The following PIWIL2 variants were observed in gnomAD, a reference collection of about 807,000 sequenced individuals.
PIWIL2 encodes the protein piwi like RNA-mediated gene silencing 2.
In PIWIL2, 81 loss-of-function variants were observed where a neutral mutation model predicts 116.5. The ratio of observed to expected loss-of-function variants is 0.70; its 90% confidence interval spans 0.58 to 0.84. PIWIL2 has a LOEUF of 0.84. PIWIL2 is among the 40% of genes least tolerant of loss of function. The probability of loss-of-function intolerance (pLI) is 0.00; values close to 1 mark genes in which losing one functional copy is unlikely to be tolerated. For synonymous variants in PIWIL2, 489 were observed against 429.5 expected (o/e 1.14, Z -1.71); for missense variants, 1,272 against 1,212.3 (o/e 1.05, Z -0.73).
chr8:22,328,822 T>C (rs1436464023), intron 20 of PIWIL2, among the ~76,000 whole-genome samples: 2 of 150,640 alleles, frequency 1.3e-5, no homozygotes, highest in Non-Finnish European at 1.5e-5. Flanking sequence ...CTAGTCGTTT[T>C]TTTTTTTTTT....
At chr8:22,288,759 G>T in intron 8 of PIWIL2, 93 bp downstream of exon 8, 1 of 1,140,884 alleles carries the variant, frequency 8.8e-7, no homozygotes, top group East Asian at 2.4e-5. Flanking sequence ...ATACGTGACA[G>T]TATATTCTAG....
intron 7 of PIWIL2, 22 bp from the exon 8 acceptor site, chr8:22,288,520 C>T (rs1478066385): frequency 2.5e-6 from 4 of 1,602,486 alleles, no homozygotes; most frequent in African/African-American, 1.3e-5. Flanking sequence ...TTTTGTTTCA[C>T]CTGTGTGTAT....
In PIWIL2 at chr8:22,349,940, G is replaced by A. The variant is rs1212949245; in HGVS notation, c.2404-3019G>A. Among the ~76,000 whole-genome samples, 14 of 152,052 alleles carry A rather than the reference G, an allele frequency of 9.2e-5. No individual in the cohort carries two copies. The East Asian group carries it at 1.4e-3, about 15-fold the overall frequency. On this transcript the variant is annotated intron_variant, in intron 20 of 22. Transcript: ENST00000356766. ...GCAGTCTGTTGGTGTGGCTCGAGTC[G>A]TCTACACATCCTTTGGTTAGTGAAG...
intron 14 of PIWIL2, among the ~76,000 whole-genome samples, chr8:22,309,187 C>G (rs2132039799): frequency 6.6e-6 from 1 of 151,772 alleles, no homozygotes; most frequent in South Asian, 2.1e-4. Flanking sequence ...GTCTTGAACT[C>G]CTGACCTCGT....
intron 22 of PIWIL2, among the ~76,000 whole-genome samples, chr8:22,354,798 G>A (rs59283125): frequency 0.41 from 62,477 of 152,074 alleles, 15,375 homozygotes; most frequent in East Asian, 0.81. Context: ...GGCTGGGTGC[G>A]GTGGCTCACG....
intron 10 of PIWIL2, among the ~76,000 whole-genome samples, chr8:22,293,358 A>G (rs2132007125): frequency 6.6e-6 from 1 of 151,946 alleles, no homozygotes; most frequent in Non-Finnish European, 1.5e-5. Flanking sequence ...GTCTTTTTTG[A>G]GATGGAGTTT....
At chr8:22,324,881 C>A (rs915402958) in intron 20 of PIWIL2, among the ~76,000 whole-genome samples, 2 of 152,120 alleles carry the variant, frequency 1.3e-5, no homozygotes, top group African/African-American at 4.8e-5. Flanking sequence ...CAAGAGACAC[C>A]TGAGAATCCC....
At chr8:22,297,408 A>C (rs1036938465) in intron 10 of PIWIL2, among the ~76,000 whole-genome samples, 3 of 152,156 alleles carry the variant, frequency 2.0e-5, no homozygotes, top group African/African-American at 4.8e-5. Context: ...GGTGTGAGCT[A>C]TTGCACCTGG....
chr8:22,355,230 C>T (rs1300433065), intron 22 of PIWIL2, 119 bp from the exon 23 acceptor site: 4 of 872,220 alleles, frequency 4.6e-6, no homozygotes, highest in African/African-American at 3.3e-5. Context: ...TATTCCTCTG[C>T]TCCCCAGTTT....
intron 15 of PIWIL2, 40 bp downstream of exon 15, chr8:22,310,114 C>A: frequency 9.4e-7 from 1 of 1,067,208 alleles, no homozygotes; most frequent in Non-Finnish European, 1.4e-6. Flanking sequence ...GACCAGTATT[C>A]CCCAAAGTGT....
chr8:22,332,897 A>G (rs953759492), intron 20 of PIWIL2, among the ~76,000 whole-genome samples: 1 of 152,166 alleles, frequency 6.6e-6, no homozygotes, highest in Non-Finnish European at 1.5e-5. Flanking sequence ...GGTTAAAGGA[A>G]TAAGTAACAA....
At chr8:22,334,392 G>C (rs1281365196) in intron 20 of PIWIL2, among the ~76,000 whole-genome samples, 1 of 151,598 alleles carries the variant, frequency 6.6e-6, no homozygotes, top group East Asian at 2.0e-4. Context: ...CATCATGGCG[G>C]GCGCCTATAG....
At chr8:22,354,491 T>C in intron 22 of PIWIL2, 113 bp downstream of exon 22, 1 of 588,426 alleles carries the variant, frequency 1.7e-6, no homozygotes, top group Admixed American at 2.8e-5. Context: ...TTTCTTCATA[T>C]CTTTGACAAT....
rs1409281070 is a variant in PIWIL2 at position 22,355,932 on chromosome 8, G to C, written c.*427G>C. The C allele has an allele frequency of 1.7e-5, 3 of 175,874 alleles. No individual in the cohort carries two copies. The highest frequency in any genetic ancestry group is 2.5e-5 in the Non-Finnish European group (2 of 80,804). The allele number at this position is 175,874 out of a possible 1,614,324, so 10.9% of individuals were successfully genotyped here. On this transcript the variant is annotated 3_prime_UTR_variant, in exon 23 of 23. Transcript: ENST00000356766. Reference sequence around the variant, plus strand: ...ACTAAAATACAAAAAAATTAGCCGGGTGTGGCGGTGCACGCCTGTAGTCCC... The same window carrying C: ...ACTAAAATACAAAAAAATTAGCCGGCTGTGGCGGTGCACGCCTGTAGTCCC...
Position 22,308,016 on chromosome 8 carries a change from G to C in PIWIL2, c.1629G>C (p.Glu543Asp). The change falls in exon 14 of 23, where the codon GAG becomes GAC. Residue 543 changes from glutamate to aspartate, a missense_variant. By Grantham distance (45) the Glu-to-Asp change is conservative (BLOSUM62 2). Transcript: ENST00000356766. ...TGCTGCAAAGAATTGCAAAGAACGAGGCAGCCACCAATGAACTGATGCGTT... is the reference window on the plus strand; with the variant it reads ...TGCTGCAAAGAATTGCAAAGAACGACGCAGCCACCAATGAACTGATGCGTT... ...ECLLQRIAKN[E>D]AATNELMRWG... The C allele has an allele frequency of 6.2e-7, 1 of 1,613,924 alleles. No individual in the cohort carries two copies. The highest frequency in any genetic ancestry group is 8.5e-7 in the Non-Finnish European group (1 of 1,179,948).
At chr8:22,306,755 A>G (rs1001573711) in intron 13 of PIWIL2, among the ~76,000 whole-genome samples, 5 of 152,136 alleles carry the variant, frequency 3.3e-5, no homozygotes, top group African/African-American at 1.2e-4. Context: ...TTTCATGTTT[A>G]CCTTCCAGTT....
chr8:22,338,259 AACG>A (rs1431916915), intron 20 of PIWIL2, among the ~76,000 whole-genome samples: 1 of 152,210 alleles, frequency 6.6e-6, no homozygotes, highest in Admixed American at 6.5e-5. Context: ...AACCAACAAC[AACG>A]ACAACACAAA....
chr8:22,343,038 G>T (rs1832145120), intron 20 of PIWIL2, among the ~76,000 whole-genome samples: 1 of 151,450 alleles, frequency 6.6e-6, no homozygotes, highest in South Asian at 2.1e-4. Flanking sequence ...GGAGGCCAAA[G>T]CGGGCAGATC....
intron 11 of PIWIL2, 57 bp from the exon 12 acceptor site, chr8:22,304,727 G>T: frequency 3.1e-6 from 3 of 953,630 alleles, no homozygotes; most frequent in Non-Finnish European, 5.2e-6. Context: ...AGACTATGGT[G>T]CTCTAAGAGT....
Sources: gnomAD v4.1 joint callset for allele counts (sites outside exome capture counted in the v4.1 genomes callset) on GRCh38, gnomAD v4.1.1 for gene constraint, MANE v1.5 for transcripts, NCBI Gene and HGNC (gene_info 2026-07-23, HGNC 2026-07-21) for gene names.